THEMIS: variants seen among roughly 807,000 people sequenced by gnomAD.
THEMIS encodes protein THEMIS.
In THEMIS, 37 loss-of-function variants were observed where a neutral mutation model predicts 52.6. That is an observed-to-expected ratio of 0.70 (90% CI 0.54 to 0.93). The LOEUF is 0.93. Ranked by LOEUF, THEMIS falls within the 40% of genes least tolerant of loss-of-function variation. The pLI is 0.00. For missense variants in THEMIS, 808 were observed against 763.1 expected, an observed-to-expected ratio of 1.06 and a Z score of -0.69; for synonymous variants, 292 against 272.7, an observed-to-expected ratio of 1.07 and a Z score of -0.70.
At chr6:127,905,865 GAAAAGA>G (rs1311007793), upstream of THEMIS, among the ~76,000 whole-genome samples, 3 of 151,114 alleles carry the variant, frequency 2.0e-5, no homozygotes, top group Non-Finnish European at 4.4e-5. Context: ...AGACGAGAAA[GAAAAGA>G]AAAAGAACCT....
intron 4 of THEMIS, among the ~76,000 whole-genome samples, chr6:127,749,882 T>C (rs971853834): frequency 1.3e-5 from 2 of 150,840 alleles, no homozygotes; most frequent in African/African-American, 2.4e-5. Flanking sequence ...TTATAGAATA[T>C]AGGAGTAGAT....
chr6:127,866,127 C>A (rs138274392), intron 1 of THEMIS, among the ~76,000 whole-genome samples: 1 of 152,008 alleles, frequency 6.6e-6, no homozygotes, highest in Non-Finnish European at 1.5e-5. Flanking sequence ...TTGATTTATA[C>A]TTTAGATTTT....
intron 4 of THEMIS, among the ~76,000 whole-genome samples, chr6:127,745,593 C>T (rs530849702): frequency 6.6e-6 from 1 of 151,848 alleles, no homozygotes; most frequent in South Asian, 2.1e-4. Flanking sequence ...GGGTCCAGTT[C>T]TATTTCAACA....
the THEMIS span, among the ~76,000 whole-genome samples, chr6:127,700,430 A>G: frequency 6.6e-6 from 1 of 152,018 alleles, no homozygotes; most frequent in Non-Finnish European, 1.5e-5. Context: ...TATCATATGC[A>G]TTAAGTACCT....
chr6:127,886,641 T>G (rs1780653845), intron 1 of THEMIS, among the ~76,000 whole-genome samples: 1 of 152,128 alleles, frequency 6.6e-6, no homozygotes, highest in Admixed American at 6.6e-5. Context: ...TTATGAGGCT[T>G]TCCACACAAA....
intron 1 of THEMIS, among the ~76,000 whole-genome samples, chr6:127,911,620 G>A (rs1327716921): frequency 6.6e-6 from 1 of 151,220 alleles, no homozygotes; most frequent in Non-Finnish European, 1.5e-5. Flanking sequence ...TACTGATATT[G>A]CCTACTCTAA....
chr6:127,900,027 A>C (rs1781091037), intron 1 of THEMIS, among the ~76,000 whole-genome samples: 1 of 151,336 alleles, frequency 6.6e-6, no homozygotes. Context: ...CCTGCCTACC[A>C]ACAGTTAAGT....
Position 127,747,975 on chromosome 6 carries a change from A to G in THEMIS, c.1759-28152T>C, listed in dbSNP as rs866958455. On this transcript the variant is annotated intron_variant, in intron 4 of 5. Coordinates refer to ENST00000368248, the MANE Select transcript of THEMIS (RefSeq NM_001010923.3). ...AAAAGAATAAACTTCCAAGGAAACC[A>G]TAACAACTGTTGAAAATGAAAATGG... 4.1e-4 allele frequency among the ~76,000 whole-genome samples: 63 copies of G among 152,186 alleles called. 1 individual carries two copies. The highest frequency in any genetic ancestry group is 1.5e-3 in the African/African-American group (61 of 41,452).
intron 3 of THEMIS, among the ~76,000 whole-genome samples, chr6:127,819,224 A>G (rs2114627999): frequency 6.6e-6 from 1 of 151,760 alleles, no homozygotes; most frequent in Admixed American, 6.6e-5. Context: ...CTGCTGAGGA[A>G]AGAATCAATG....
chr6:127,757,218 G>T (rs575342669), intron 4 of THEMIS, among the ~76,000 whole-genome samples: 2 of 152,134 alleles, frequency 1.3e-5, no homozygotes, highest in Non-Finnish European at 2.9e-5. Flanking sequence ...CATCTACAGC[G>T]TATTATGCCA....
chr6:127,868,346 G>T (rs1266072273), intron 1 of THEMIS: 1 of 725,732 alleles, frequency 1.4e-6, no homozygotes, highest in Non-Finnish European at 1.7e-6. Context: ...TCCTCCTATG[G>T]ATGGGGCTTT....
intron 4 of THEMIS, among the ~76,000 whole-genome samples, chr6:127,724,755 T>G (rs1029031703): frequency 3.3e-5 from 5 of 152,010 alleles, no homozygotes; most frequent in African/African-American, 1.2e-4. Flanking sequence ...CTAAAGGTAA[T>G]GATGAAATTA....
intron 4 of THEMIS, among the ~76,000 whole-genome samples, chr6:127,789,112 A>T (rs1321901106): frequency 6.6e-6 from 1 of 152,152 alleles, no homozygotes; most frequent in African/African-American, 2.4e-5. Flanking sequence ...GAAAAGATTA[A>T]CAAAATAGAT....
intron 1 of THEMIS, among the ~76,000 whole-genome samples, chr6:127,872,250 A>AC (rs1211030284): frequency 6.6e-6 from 1 of 152,164 alleles, no homozygotes; most frequent in Non-Finnish European, 1.5e-5. Context: ...AAATCATTTA[A>AC]CAAAATTTTA....
At position 127,812,949 on chromosome 6, in the gene THEMIS, C is replaced by T. The variant is rs773025210; in HGVS notation, c.1692G>A (p.Glu564=). The change falls in exon 4 of 6, where the codon GAG becomes GAA. Residue 564 remains glutamate, a synonymous_variant. Transcript: ENST00000368248. ...PPRPPKHPSV[E]ETKLTLLTLA... ...AGGTTAGCAGGGTTAACTTTGTTTCCTCTACTGAGGGGTGTTTCGGAGGGC... is the reference window on the plus strand; with the variant it reads ...AGGTTAGCAGGGTTAACTTTGTTTCTTCTACTGAGGGGTGTTTCGGAGGGC... The T allele has an allele frequency of 1.9e-6, 3 of 1,613,852 alleles. No homozygotes were observed. The highest frequency in any genetic ancestry group is 2.2e-5 in the East Asian group (1 of 44,894).
chr6:127,785,625 T>C (rs1164003011), intron 4 of THEMIS, among the ~76,000 whole-genome samples: 1 of 152,004 alleles, frequency 6.6e-6, no homozygotes, highest in Non-Finnish European at 1.5e-5. Flanking sequence ...AATATCTCAG[T>C]TCACTTTTAA....
chr6:127,724,201 A>G (rs1774460469), intron 4 of THEMIS, among the ~76,000 whole-genome samples: 1 of 152,124 alleles, frequency 6.6e-6, no homozygotes, highest in Non-Finnish European at 1.5e-5. Context: ...CACATATTTC[A>G]AATCCTGTGC....
At chr6:127,700,295 G>A in the THEMIS span, among the ~76,000 whole-genome samples, 1 of 151,364 alleles carries the variant, frequency 6.6e-6, no homozygotes, top group African/African-American at 2.4e-5. Flanking sequence ...CTCTTACTTA[G>A]AAATAAGAAC....
At chr6:127,854,748 T>C (rs1779558576) in intron 2 of THEMIS, among the ~76,000 whole-genome samples, 1 of 151,822 alleles carries the variant, frequency 6.6e-6, no homozygotes, top group Admixed American at 6.6e-5. Context: ...TCTCATTATT[T>C]AGCACAACTA....
Sources: gnomAD v4.1 joint callset for allele counts (sites outside exome capture counted in the v4.1 genomes callset) on GRCh38, gnomAD v4.1.1 for gene constraint, MANE v1.5 for transcripts, NCBI Gene and HGNC (gene_info 2026-07-23, HGNC 2026-07-21) for gene names.